The following PRKCB variants were observed in gnomAD, a reference collection of about 807,000 sequenced individuals.
The protein encoded by PRKCB is protein kinase C beta type.
In PRKCB, 13 loss-of-function variants were observed where a neutral mutation model predicts 81.5. The ratio of observed to expected loss-of-function variants is 0.16; its 90% CI spans 0.10 to 0.25. The LOEUF is 0.25. Among genes scored for constraint, PRKCB ranks in the 10% least tolerant of loss-of-function variants. The pLI, the probability that PRKCB is intolerant of heterozygous loss-of-function variation, is 1.00. For synonymous variants in PRKCB, 335 were observed against 321.4 expected (o/e 1.04, Z -0.45); for missense variants, 509 against 875.7 (o/e 0.58, Z 5.29).
At chr16:24,114,936 T>C (rs539996805) in intron 8 of PRKCB, among the ~76,000 whole-genome samples, 2 of 152,174 alleles carry the variant, frequency 1.3e-5, no homozygotes, top group Admixed American at 6.5e-5. Flanking sequence ...AAGAGAAATG[T>C]CACGTAGTTT....
intron 16 of PRKCB, among the ~76,000 whole-genome samples, chr16:24,201,851 C>T (rs759812415): frequency 6.6e-5 from 10 of 151,936 alleles, no homozygotes; most frequent in South Asian, 2.1e-4. Flanking sequence ...TTGGCTAACA[C>T]GGTGAAACCC....
At position 24,076,423 on chromosome 16, in the gene PRKCB, C is replaced by G. The variant is rs75234287; in HGVS notation, c.530-16368C>G. ...GGCCTTATCTGCTTCTTCATCCATT[C>G]TCTCTGTCATCCTGGAGCTCAGCTT... On this transcript the variant is annotated intron_variant, in intron 5 of 16. Transcript: ENST00000643927. Among the ~76,000 whole-genome samples, 141 of 152,276 alleles carry G rather than the reference C, an allele frequency of 9.3e-4. 1 individual carries two copies. In the East Asian group the frequency reaches 0.025, roughly 27 times the overall value.
At chr16:23,860,376 T>C (rs985481450) in intron 2 of PRKCB, among the ~76,000 whole-genome samples, 3 of 152,220 alleles carry the variant, frequency 2.0e-5, no homozygotes, top group South Asian at 4.1e-4. Flanking sequence ...GAATTATGCG[T>C]TGGGTATGTT....
intron 2 of PRKCB, among the ~76,000 whole-genome samples, chr16:23,981,615 CCT>C (rs1328880518): frequency 3.4e-5 from 5 of 147,954 alleles, no homozygotes; most frequent in Middle Eastern, 6.8e-3. Flanking sequence ...CTTTCCTTTC[CCT>C]TTCCCTTCCC....
intron 16 of PRKCB, among the ~76,000 whole-genome samples, chr16:24,206,073 C>A (rs1275389016): frequency 1.3e-5 from 2 of 152,124 alleles, no homozygotes; most frequent in Admixed American, 1.3e-4. Flanking sequence ...ACACAAAAGA[C>A]CCCTCTCCTA....
intron 3 of PRKCB, among the ~76,000 whole-genome samples, chr16:23,990,490 T>TC (rs1340199784): frequency 2.1e-3 from 316 of 150,006 alleles, no homozygotes; most frequent in Non-Finnish European, 3.7e-3. Context: ...CTTTTTTTTT[T>TC]TTTTTCTTTT....
chr16:24,193,476 T>TAAATA (rs1555501796), intron 16 of PRKCB, among the ~76,000 whole-genome samples: 11 of 139,806 alleles, frequency 7.9e-5, no homozygotes, highest in South Asian at 2.2e-4. Context: ...AATAAATAAA[T>TAAATA]AAATAAATAA....
chr16:24,166,538 C>T lies in PRKCB; in HGVS notation c.1240-5732C>T, dbSNP rs551594579. Among the ~76,000 whole-genome samples, 8 of 152,206 alleles carry T rather than the reference C, an allele frequency of 5.3e-5. No individual in the cohort carries two copies. The East Asian group carries it at 9.6e-4, about 18-fold the overall frequency. ...GCTTAGTTGTATTTTCCACAATATA[C>T]GTTAAAACAAATACAAAGCCATAAA... On this transcript the variant is annotated intron_variant, in intron 10 of 16. Coordinates refer to ENST00000643927, the MANE Select transcript of PRKCB (RefSeq NM_002738.7).
intron 5 of PRKCB, among the ~76,000 whole-genome samples, chr16:24,070,440 C>T (rs562286103): frequency 1.4e-4 from 22 of 152,114 alleles, no homozygotes; most frequent in Non-Finnish European, 2.5e-4. Flanking sequence ...TGAGCCGTTG[C>T]GCCCGGCCTT....
chr16:23,968,177 C>T (rs775872411), intron 2 of PRKCB, among the ~76,000 whole-genome samples: 1 of 152,164 alleles, frequency 6.6e-6, no homozygotes, highest in African/African-American at 2.4e-5. Flanking sequence ...TTCAAACCTA[C>T]CTGCCCTATC....
At chr16:24,079,314 C>T (rs1222169940) in intron 5 of PRKCB, among the ~76,000 whole-genome samples, 1 of 152,170 alleles carries the variant, frequency 6.6e-6, no homozygotes, top group African/African-American at 2.4e-5. Context: ...CACGGACACA[C>T]GTGACATTTG....
intron 2 of PRKCB, among the ~76,000 whole-genome samples, chr16:23,876,833 C>G (rs996479686): frequency 6.6e-6 from 1 of 152,184 alleles, no homozygotes; most frequent in African/African-American, 2.4e-5. Context: ...GTGGTTAACA[C>G]TGGAATTTTC....
intron 3 of PRKCB, among the ~76,000 whole-genome samples, chr16:23,993,019 G>A (rs1431136073): frequency 6.6e-6 from 1 of 152,120 alleles, no homozygotes; most frequent in Non-Finnish European, 1.5e-5. Context: ...CTAAGAAACA[G>A]TAATGGCTTT....
chr16:23,836,065 C>G lies in PRKCB; in HGVS notation c.-111C>G. On this transcript the variant is annotated 5_prime_UTR_variant, in exon 1 of 17. Transcript: ENST00000643927. ...AGAGCCGGCGCAGGGGAAGCGCCCG[C>G]GGCCCCGGGTGCAGCAGCGGCCGCC... is the stretch of plus-strand genomic sequence containing the variant. 1 of 788,224 alleles carries G rather than the reference C, an allele frequency of 1.3e-6. No homozygotes were observed. The highest frequency in any genetic ancestry group is 1.5e-6 in the Non-Finnish European group (1 of 650,846). The allele number at this position is 788,224 out of a possible 1,614,324, so 48.8% of individuals were successfully genotyped here. A position where few individuals can be genotyped will look rare whatever the true frequency, so the allele number is the denominator to read the frequency against.
At chr16:23,850,199 A>G (rs989707637) in intron 2 of PRKCB, among the ~76,000 whole-genome samples, 17 of 152,088 alleles carry the variant, frequency 1.1e-4, no homozygotes, top group African/African-American at 4.1e-4. Flanking sequence ...TATACACCAT[A>G]CTTTCTTTAT....
intron 2 of PRKCB, among the ~76,000 whole-genome samples, chr16:23,960,351 A>G (rs532178770): frequency 2.2e-4 from 33 of 152,050 alleles, no homozygotes; most frequent in African/African-American, 7.7e-4. Context: ...CACCCTTGAG[A>G]TGTAATCTTT....
intron 7 of PRKCB, among the ~76,000 whole-genome samples, chr16:24,107,777 C>T (rs1261219249): frequency 6.6e-6 from 1 of 152,122 alleles, no homozygotes; most frequent in Non-Finnish European, 1.5e-5. Flanking sequence ...AACCCTCACC[C>T]GGTCATTGAT....
At chr16:24,092,288 T>A (rs2141900316) in intron 5 of PRKCB, among the ~76,000 whole-genome samples, 1 of 152,342 alleles carries the variant, frequency 6.6e-6, no homozygotes, top group African/African-American at 2.4e-5. Flanking sequence ...TGTGACCTTT[T>A]GTGTTGGGGT....
chr16:24,194,006 G>A (rs1319700147), intron 16 of PRKCB, among the ~76,000 whole-genome samples: 1 of 152,122 alleles, frequency 6.6e-6, no homozygotes, highest in Non-Finnish European at 1.5e-5. Flanking sequence ...GTGAAAGGGT[G>A]TATAAAGTTA....
Sources: gnomAD v4.1 joint callset for allele counts (sites outside exome capture counted in the v4.1 genomes callset) on GRCh38, gnomAD v4.1.1 for gene constraint, MANE v1.5 for transcripts, NCBI Gene and HGNC (gene_info 2026-07-23, HGNC 2026-07-21) for gene names.